ARHGEF3: variants seen among roughly 807,000 people sequenced by gnomAD.
ARHGEF3 encodes the protein Rho guanine nucleotide exchange factor 3, also known as 59.8 kDA protein.
ARHGEF3 carries 28 observed loss-of-function variants against 63.2 expected under a neutral mutation model. The observed-to-expected ratio is 0.44, with a 90% CI of 0.33 to 0.61. The LOEUF (loss-of-function observed/expected upper bound fraction) is 0.61. ARHGEF3 is among the 20% of genes least tolerant of loss of function. The pLI, the probability that ARHGEF3 is intolerant of heterozygous loss-of-function variation, is 0.03. For missense variants in ARHGEF3, 533 were observed against 659.3 expected (o/e 0.81, Z 2.10); for synonymous variants, 266 against 254.2 (o/e 1.05, Z -0.44).
chr3:56,736,972 G>A (rs1559886848), intron 8 of ARHGEF3, among the ~76,000 whole-genome samples: 1 of 152,162 alleles, frequency 6.6e-6, no homozygotes, highest in African/African-American at 2.4e-5. Flanking sequence ...GTGCGTGCCT[G>A]CAGTTCCAGC....
At chr3:56,885,875 C>T (rs72870523) in intron 3 of ARHGEF3, among the ~76,000 whole-genome samples, 3,516 of 152,258 alleles carry the variant, frequency 0.023, 137 homozygotes, top group African/African-American at 0.079. Context: ...CCACTGCCAG[C>T]AACAAAAAAG....
intron 1 of ARHGEF3, among the ~76,000 whole-genome samples, chr3:56,779,520 TCTCGCTCTG>T (rs1488876999): frequency 1.3e-5 from 2 of 151,898 alleles, no homozygotes; most frequent in Non-Finnish European, 2.9e-5. Flanking sequence ...TGAGACGGAG[TCTCGCTCTG>T]TCGCGCAGGC....
chr3:57,041,334 G>A (rs1238381657), intron 1 of ARHGEF3, among the ~76,000 whole-genome samples: 2 of 152,108 alleles, frequency 1.3e-5, no homozygotes, highest in Non-Finnish European at 2.9e-5. Flanking sequence ...CTATTGAATA[G>A]TAGGAAACTG....
intron 4 of ARHGEF3, among the ~76,000 whole-genome samples, chr3:56,853,161 A>C (rs908976849): frequency 6.6e-6 from 1 of 151,002 alleles, no homozygotes; most frequent in Non-Finnish European, 1.5e-5. Context: ...TGGGGTACAG[A>C]GGTAACAGAA....
intron 4 of ARHGEF3, among the ~76,000 whole-genome samples, chr3:56,828,774 T>C (rs2038825705): frequency 1.3e-5 from 2 of 152,264 alleles, no homozygotes; most frequent in African/African-American, 4.8e-5. Flanking sequence ...AGAAGATCCA[T>C]CCTGGGTTAT....
At chr3:56,771,767 G>C (rs2107833333) in intron 2 of ARHGEF3, among the ~76,000 whole-genome samples, 2 of 152,340 alleles carry the variant, frequency 1.3e-5, no homozygotes, top group African/African-American at 4.8e-5. Context: ...TGTCCTGGGA[G>C]CAATAATGGG....
At chr3:56,979,172 T>C (rs919495926) in intron 2 of ARHGEF3, among the ~76,000 whole-genome samples, 3 of 152,196 alleles carry the variant, frequency 2.0e-5, no homozygotes, top group Non-Finnish European at 4.4e-5. Context: ...AGAAAGCTCC[T>C]TGAAAATTTC....
chr3:57,050,044 C>A (rs1335995852), intron 1 of ARHGEF3, among the ~76,000 whole-genome samples: 1 of 152,140 alleles, frequency 6.6e-6, no homozygotes, highest in South Asian at 2.1e-4. Context: ...CCTTATCCAC[C>A]CAGATTTTGA....
intron 3 of ARHGEF3, among the ~76,000 whole-genome samples, chr3:56,885,004 T>C (rs981185560): frequency 3.3e-5 from 5 of 152,212 alleles, no homozygotes; most frequent in Non-Finnish European, 7.3e-5. Context: ...GTTCAAAGGT[T>C]GGTGGCAAAT....
chr3:56,845,601 T>G (rs1305121721), intron 4 of ARHGEF3, among the ~76,000 whole-genome samples: 1 of 152,236 alleles, frequency 6.6e-6, no homozygotes, highest in Non-Finnish European at 1.5e-5. Context: ...CGTTTTAATA[T>G]ATGATGTTCC....
intron 1 of ARHGEF3, chr3:56,774,894 A>C (rs1163545381): frequency 1.9e-6 from 2 of 1,054,432 alleles, no homozygotes; most frequent in South Asian, 4.1e-5. Flanking sequence ...TGTCAAAAAA[A>C]CAAAAAACAA....
intron 2 of ARHGEF3, among the ~76,000 whole-genome samples, chr3:57,029,206 A>G (rs916686908): frequency 1.2e-4 from 18 of 152,268 alleles, no homozygotes; most frequent in African/African-American, 4.3e-4. Flanking sequence ...CGAGGCAGGC[A>G]GATCACCTGA....
intron 2 of ARHGEF3, among the ~76,000 whole-genome samples, chr3:56,998,746 T>A (rs778375956): frequency 3.9e-5 from 6 of 152,192 alleles, no homozygotes; most frequent in Non-Finnish European, 5.9e-5. Flanking sequence ...CCTTCCTCCT[T>A]TCCCCCTACT....
intron 2 of ARHGEF3, among the ~76,000 whole-genome samples, chr3:56,971,014 G>A (rs1700886151): frequency 6.6e-6 from 1 of 152,204 alleles, no homozygotes; most frequent in Admixed American, 6.5e-5. Context: ...AAGGGACCCT[G>A]TAAGAGAGCC....
chr3:56,932,116 C>T (rs1477303580), intron 3 of ARHGEF3, among the ~76,000 whole-genome samples: 1 of 152,178 alleles, frequency 6.6e-6, no homozygotes, highest in Non-Finnish European at 1.5e-5. Flanking sequence ...CATTGCATTT[C>T]TGACTTAGAT....
At chr3:56,972,021 C>T (rs533814199) in intron 2 of ARHGEF3, among the ~76,000 whole-genome samples, 15 of 152,064 alleles carry the variant, frequency 9.9e-5, no homozygotes, top group East Asian at 1.9e-4. Flanking sequence ...TCATAACAAA[C>T]GCACCAGGAC....
intron 1 of ARHGEF3, among the ~76,000 whole-genome samples, chr3:56,780,156 AACAG>A (rs2036499810): frequency 6.6e-6 from 1 of 152,230 alleles, no homozygotes; most frequent in African/African-American, 2.4e-5. Flanking sequence ...TCTGCCCAAA[AACAG>A]ACAGATAATG....
At chr3:56,898,175 G>T (rs2041372005) in intron 3 of ARHGEF3, among the ~76,000 whole-genome samples, 2 of 152,020 alleles carry the variant, frequency 1.3e-5, no homozygotes, top group African/African-American at 4.8e-5. Flanking sequence ...ACTGCACCTG[G>T]CCTGTATCTA....
intron 4 of ARHGEF3, among the ~76,000 whole-genome samples, chr3:56,843,130 A>G (rs369685607): frequency 6.6e-6 from 1 of 152,300 alleles, no homozygotes; most frequent in African/African-American, 2.4e-5. Flanking sequence ...CAATTTAATG[A>G]ATTTAGGGTG....
Sources: allele counts gnomAD v4.1 joint callset (sites outside exome capture counted in the v4.1 genomes callset), GRCh38; gene constraint gnomAD v4.1.1; transcripts MANE v1.5; gene names NCBI Gene and HGNC (gene_info 2026-07-23, HGNC 2026-07-21).